The following GBE1 variants were observed in gnomAD, a reference collection of about 807,000 sequenced individuals.
GBE1 encodes 1,4-alpha-glucan-branching enzyme.
A neutral mutation model predicts 88.8 loss-of-function variants in GBE1; 70 were observed. The observed-to-expected ratio is 0.79, with a 90% CI of 0.65 to 0.96. The LOEUF (loss-of-function observed/expected upper bound fraction) is 0.96. GBE1 is among the 40% of genes least tolerant of loss of function. The pLI, the probability that GBE1 is intolerant of heterozygous loss-of-function variation, is 0.00. For missense variants in GBE1, 872 were observed against 871.0 expected, an observed-to-expected ratio of 1.00 and a Z score of -0.01; for synonymous variants, 284 against 300.1, an observed-to-expected ratio of 0.95 and a Z score of 0.56.
intron 13 of GBE1, among the ~76,000 whole-genome samples, chr3:81,535,949 T>TAAC (rs1703068200): frequency 6.6e-6 from 1 of 151,994 alleles, no homozygotes; most frequent in Non-Finnish European, 1.5e-5. Context: ...AAGCCTTGGC[T>TAAC]TTTTCAACAC....
intron 15 of GBE1, among the ~76,000 whole-genome samples, chr3:81,491,740 T>A (rs1490810797): frequency 1.3e-5 from 2 of 151,998 alleles, no homozygotes; most frequent in African/African-American, 4.8e-5. Context: ...AAAAAAGCTT[T>A]CAGAGGTTAG....
At position 81,756,416 on chromosome 3, in the gene GBE1, C is replaced by T. The variant is rs545108079; in HGVS notation, c.143+4959G>A. On this transcript the variant is annotated intron_variant, in intron 1 of 15. Transcript: ENST00000429644. ...GAAAAATGAAGTCAGAAGATATTCACTCAGCCACTGGCTCATTCAAGTATT... is the reference window on the plus strand; with the variant it reads ...GAAAAATGAAGTCAGAAGATATTCATTCAGCCACTGGCTCATTCAAGTATT... 3.0e-4 allele frequency among the ~76,000 whole-genome samples: 45 copies of T among 152,306 alleles called. No individual in the cohort carries two copies. The South Asian group carries it at 3.7e-3, about 13-fold the overall frequency.
intron 1 of GBE1, among the ~76,000 whole-genome samples, chr3:81,728,801 C>T (rs1441118872): frequency 2.0e-5 from 3 of 152,112 alleles, no homozygotes; most frequent in African/African-American, 7.2e-5. Flanking sequence ...CCTTCTTATA[C>T]ACAAAGATGT....
chr3:81,536,819 TA>T, intron 13 of GBE1, 91 bp downstream of exon 13: 1 of 994,556 alleles, frequency 1.0e-6, no homozygotes. Context: ...AATTGCTGTT[TA>T]AAAGATCTGC....
chr3:81,694,768 C>T (rs1181457750), intron 2 of GBE1, among the ~76,000 whole-genome samples: 5 of 152,194 alleles, frequency 3.3e-5, no homozygotes, highest in African/African-American at 1.2e-4. Context: ...TGAATTTCTA[C>T]CCTGCCCTAA....
chr3:81,722,767 C>A (rs1706050894), intron 1 of GBE1, among the ~76,000 whole-genome samples: 1 of 151,490 alleles, frequency 6.6e-6, no homozygotes, highest in Admixed American at 6.6e-5. Flanking sequence ...GTATGAGACC[C>A]TTCAAGGCTT....
intron 11 of GBE1, 27 bp downstream of exon 11, chr3:81,581,138 A>G: frequency 1.5e-6 from 2 of 1,302,144 alleles, no homozygotes; most frequent in Non-Finnish European, 1.1e-6. Context: ...GAGAGAAATA[A>G]ATGAATTTAT....
chr3:81,694,058 A>G (rs1403590846), intron 2 of GBE1, among the ~76,000 whole-genome samples: 1 of 152,150 alleles, frequency 6.6e-6, no homozygotes. Context: ...TTTTTCCCTA[A>G]GAACTCAGAG....
intron 3 of GBE1, among the ~76,000 whole-genome samples, chr3:81,653,051 T>G (rs1201859485): frequency 6.6e-6 from 1 of 152,176 alleles, no homozygotes; most frequent in East Asian, 1.9e-4. Context: ...TGGTAGCTAA[T>G]GTTTAAAAGA....
chr3:81,525,881 C>T (rs1034361795), intron 14 of GBE1, among the ~76,000 whole-genome samples: 1 of 151,846 alleles, frequency 6.6e-6, no homozygotes, highest in Non-Finnish European at 1.5e-5. Context: ...GGTGATATCC[C>T]CTTTATCATT....
At chr3:81,719,735 T>A (rs1484427938) in intron 1 of GBE1, among the ~76,000 whole-genome samples, 1 of 152,172 alleles carries the variant, frequency 6.6e-6, no homozygotes, top group Non-Finnish European at 1.5e-5. Context: ...GATATAAGAA[T>A]TTATATCTTT....
chr3:81,722,039 A>T (rs966225455), intron 1 of GBE1, among the ~76,000 whole-genome samples: 15 of 152,212 alleles, frequency 9.9e-5, no homozygotes, highest in Non-Finnish European at 1.9e-4. Flanking sequence ...CCTTAAAAAC[A>T]GTAATCATCA....
intron 2 of GBE1, among the ~76,000 whole-genome samples, chr3:81,671,862 A>C (rs779155074): frequency 2.6e-5 from 4 of 152,074 alleles, no homozygotes; most frequent in African/African-American, 7.2e-5. Flanking sequence ...AATCGATAGA[A>C]TGACAAGACA....
intron 7 of GBE1, among the ~76,000 whole-genome samples, chr3:81,614,575 G>A (rs1451759857): frequency 1.3e-5 from 2 of 152,052 alleles, no homozygotes; most frequent in Non-Finnish European, 2.9e-5. Context: ...AAAAAAATAA[G>A]GAAAATCAGC....
intron 12 of GBE1, among the ~76,000 whole-genome samples, chr3:81,568,295 G>A (rs753505158): frequency 8.6e-5 from 13 of 151,898 alleles, no homozygotes; most frequent in East Asian, 1.9e-4. Context: ...CTACAGGTGC[G>A]TGCCACCATG....
At chr3:81,503,941 T>A (rs1702622715) in intron 14 of GBE1, among the ~76,000 whole-genome samples, 1 of 152,144 alleles carries the variant, frequency 6.6e-6, no homozygotes, top group South Asian at 2.1e-4. Context: ...GTGAGGGCCT[T>A]AAGAAGCTTA....
intron 3 of GBE1, chr3:81,654,775 T>G (rs764617941): frequency 3.9e-5 from 6 of 152,252 alleles, no homozygotes; most frequent in Non-Finnish European, 8.8e-5. Context: ...CTACTTCCAC[T>G]TCTTTTTTAT....
intron 12 of GBE1, among the ~76,000 whole-genome samples, chr3:81,539,840 C>T (rs1703121277): frequency 6.6e-6 from 1 of 151,838 alleles, no homozygotes; most frequent in South Asian, 2.1e-4. Flanking sequence ...AAATTTAAGA[C>T]ACGAAGGAAA....
At chr3:81,530,432 GT>G (rs1440485051) in intron 14 of GBE1, among the ~76,000 whole-genome samples, 1 of 151,908 alleles carries the variant, frequency 6.6e-6, no homozygotes, top group African/African-American at 2.4e-5. Flanking sequence ...GGTATTTATT[GT>G]AGCCTTCATG....
Sources: allele counts gnomAD v4.1 joint callset (sites outside exome capture counted in the v4.1 genomes callset), GRCh38; gene constraint gnomAD v4.1.1; transcripts MANE v1.5; gene names NCBI Gene and HGNC (gene_info 2026-07-23, HGNC 2026-07-21).